The following MDN1 variants were observed in gnomAD, a reference collection of about 807,000 sequenced individuals.
MDN1 encodes the protein midasin AAA ATPase 1, also known as midasin.
Under a neutral mutation model 669.2 loss-of-function variants are expected in MDN1, and 266 were observed. The observed-to-expected ratio is 0.40, with a 90% CI of 0.36 to 0.44. The LOEUF (loss-of-function observed/expected upper bound fraction) is 0.44. Ranked by LOEUF, MDN1 falls within the 20% of genes least tolerant of loss-of-function variation. The pLI is 1.00. For missense variants in MDN1, 5,940 were observed against 6,754.0 expected (o/e 0.88, Z 4.22); for synonymous variants, 2,385 against 2,457.1 (o/e 0.97, Z 0.87).
intron 53 of MDN1, among the ~76,000 whole-genome samples, chr6:89,702,471 T>G (rs76129887): frequency 0.035 from 5,305 of 152,360 alleles, 127 homozygotes; most frequent in South Asian, 0.13. Context: ...GATTTTAACT[T>G]TAGTTTTAAT....
rs1811819387 is a variant in MDN1 at position 89,683,870 on chromosome 6, C to G, written c.11864G>C (p.Ser3955Thr). ...FVKISKWNDVSFWSIKQSVEK... is the reference protein window; with the variant it reads ...FVKISKWNDVTFWSIKQSVEK... ...TACAGATTGCTTAATGGACCAGAAGCTGACATCATTCCACTTGGAAATCTT... is the reference window on the plus strand; with the variant it reads ...TACAGATTGCTTAATGGACCAGAAGGTGACATCATTCCACTTGGAAATCTT... Residue 3955 changes from serine to threonine, a missense_variant, in exon 72 of 102, where the codon AGC becomes ACC. Coordinates refer to ENST00000369393, the MANE Select transcript of MDN1 (RefSeq NM_014611.3). The G allele has an allele frequency of 1.2e-6, 2 of 1,613,610 alleles. No homozygotes were observed. Among genetic ancestry groups the G allele is most frequent in the Non-Finnish European group, 1.7e-6 (2 of 1,179,684 alleles).
Position 89,700,093 on chromosome 6 carries a change from G to T in MDN1, c.8840C>A (p.Ala2947Asp). The change falls in exon 57 of 102, where the codon GCT becomes GAT. Residue 2947 changes from alanine to aspartate, a missense_variant. By Grantham distance (126) the Ala-to-Asp change is moderately radical. This residue lies in a region of MDN1 where 2,292 missense variants were observed against 2,638.3 expected (regional missense o/e 0.87). Transcript: ENST00000369393. ...LAMLWRYKVT[A>D]DFMAQACLRR... is the part of the protein sequence containing the mutation. The stretch of plus-strand genomic sequence containing the variant: ...GAGACAAGCTTGTGCCATAAAATCA[G>T]CTGTCACTTTGTACCGCCAAAGCAT... 6.2e-7 allele frequency: 1 copy of T among 1,614,132 alleles called. No homozygotes were observed. Among genetic ancestry groups the T allele is most frequent in the South Asian group, 1.1e-5 (1 of 91,092 alleles).
chr6:89,790,292 T>C lies in MDN1; in HGVS notation c.965A>G (p.Gln322Arg), dbSNP rs151070753. The change falls in exon 6 of 102, where the codon CAG becomes CGG. Residue 322 changes from glutamine (Q) to arginine (R), a missense_variant. By Grantham distance (43) the Gln-to-Arg change is conservative. This residue lies in a region of MDN1 where 1,203 missense variants were observed against 1,268.9 expected (regional missense o/e 0.95). Transcript: ENST00000369393. ...TGGTCCTTCCAACAACACAGCATTC[T>C]GAGAAGCAACCGCCATAGCCAGGGT... ...LQTLAMAVAS[Q>R]NAVLLEGPIG... The C allele has an allele frequency of 8.8e-5, 142 of 1,613,994 alleles. No homozygotes were observed. Among genetic ancestry groups the C allele is most frequent in the Admixed American group, 3.3e-4 (20 of 59,984 alleles).
chr6:89,713,021 C>G (rs1814061264), intron 47 of MDN1, 127 bp downstream of exon 47: 2 of 1,046,672 alleles, frequency 1.9e-6, no homozygotes, highest in Non-Finnish European at 2.7e-6. Flanking sequence ...TACCAGATCT[C>G]TATTAGAGCA....
chr6:89,650,852 G>C lies in MDN1; in HGVS notation c.15916-5C>G, dbSNP rs1434850537. ...CATCTCAGCTGCAACCTTCTCCTGT[G>C]ACAACAACAAAATGTAAGTTACCCT... On this transcript the variant is annotated splice_polypyrimidine_tract_variant and splice_region_variant and intron_variant, in intron 95 of 101. Transcript: ENST00000369393. The C allele has an allele frequency of 1.9e-6, 3 of 1,611,572 alleles. No homozygotes were observed. The highest frequency in any genetic ancestry group is 3.3e-5 in the Admixed American group (2 of 59,970).
In MDN1 at chr6:89,810,013, A is replaced by AT. The variant is rs1179313558; in HGVS notation, c.103-6460_103-6459insA. Among the ~76,000 whole-genome samples the AT allele has an allele frequency of 5.4e-5, 8 of 147,200 alleles. 1 individual carries two copies. The highest frequency in any genetic ancestry group is 2.0e-4 in the East Asian group (1 of 5,128). ...TTCACTAAAAAAAAAAAAAAAAAAA[A>AT]AAAAAAAAAAAAATTAAGTTTGGAA... On this transcript the variant is annotated intron_variant, in intron 1 of 101. Coordinates refer to ENST00000369393, the MANE Select transcript of MDN1 (RefSeq NM_014611.3).
At chr6:89,717,842 T>C (rs1241327677) in intron 43 of MDN1, among the ~76,000 whole-genome samples, 4 of 152,180 alleles carry the variant, frequency 2.6e-5, no homozygotes, top group Non-Finnish European at 5.9e-5. Context: ...ATGACAAGCA[T>C]AGTGACAGAC....
At chr6:89,684,164 G>A (rs1185007683) in intron 71 of MDN1, among the ~76,000 whole-genome samples, 2 of 152,118 alleles carry the variant, frequency 1.3e-5, no homozygotes, top group Non-Finnish European at 2.9e-5. Context: ...CCAACATGGT[G>A]AAACCCCGTC....
chr6:89,662,675 A>G (rs1221362133), intron 86 of MDN1, 117 bp downstream of exon 86: 4 of 1,220,858 alleles, frequency 3.3e-6, no homozygotes, highest in Non-Finnish European at 4.5e-6. Context: ...AGAGGAATAG[A>G]AAAAAGAGAA....
In MDN1 at chr6:89,645,068, G is replaced by A. The variant is rs764639892; in HGVS notation, c.16549C>T (p.Arg5517Trp). 17 of 1,610,428 alleles carry A rather than the reference G, an allele frequency of 1.1e-5. No individual in the cohort carries two copies. Among genetic ancestry groups the A allele is most frequent in the Middle Eastern group, 3.3e-4 (2 of 6,080 alleles). Residue 5517 changes from arginine to tryptophan, a missense_variant, in exon 101 of 102, where the codon CGG becomes TGG. Arg to Trp is a moderately radical substitution (Grantham distance 101, BLOSUM62 -3). Transcript: ENST00000369393. ...AAGATGACAAAGATATTTGCATTCC[G>A]GGCAGCCTGAACTGCTGCCAGGACT... ...ERVLAAVQAA[R>W]NANIFVIFVV...
chr6:89,758,894 G>C lies in MDN1; in HGVS notation c.2527C>G (p.Pro843Ala). The change falls in exon 18 of 102, where the codon CCA becomes GCA. Residue 843 changes from proline to alanine, a missense_variant. Pro to Ala is a conservative substitution (Grantham distance 27). Coordinates refer to ENST00000369393, the MANE Select transcript of MDN1 (RefSeq NM_014611.3). ...ILLDEINLAA[P>A]EILECLSGLL... ...CCACTCAGACATTCTAGTATTTCTG[G>C]AGCAGCCAAGTTAATCTCATCCAAC... is the stretch of plus-strand genomic sequence containing the variant. The C allele has an allele frequency of 6.2e-7, 1 of 1,613,934 alleles. No individual in the cohort carries two copies. Among genetic ancestry groups the C allele is most frequent in the Non-Finnish European group, 8.5e-7 (1 of 1,179,880 alleles).
rs180970446 is a variant in MDN1 at position 89,783,098 on chromosome 6, T to C, written c.1450-1506A>G. On this transcript the variant is annotated intron_variant, in intron 9 of 101. Transcript: ENST00000369393. ...AAAAGAACAGAATAACAGCGATTTT[T>C]AGGGAACAAGGACAGACAACCATAA... 6.9e-3 allele frequency among the ~76,000 whole-genome samples: 1,057 copies of C among 152,208 alleles called. 7 individuals carry two copies. Among genetic ancestry groups the C allele is most frequent in the Non-Finnish European group, 0.011 (756 of 68,016 alleles).
At chr6:89,678,277 T>C (rs1377590008) in intron 75 of MDN1, among the ~76,000 whole-genome samples, 1 of 151,918 alleles carries the variant, frequency 6.6e-6, no homozygotes. Context: ...TGCAGTGAGC[T>C]GAGATCACAC....
chr6:89,751,411 C>A lies in MDN1; in HGVS notation c.3227+20G>T. ...TATGCCTGTATCAAGTTCGGGGCAG[C>A]GAGAAAAAAGCCCACACACCCTGCA... On this transcript the variant is annotated intron_variant, in intron 23 of 101. Coordinates refer to ENST00000369393, the MANE Select transcript of MDN1 (RefSeq NM_014611.3). 2 of 1,613,622 alleles carry A rather than the reference C, an allele frequency of 1.2e-6. No homozygotes were observed. Among genetic ancestry groups the A allele is most frequent in the Non-Finnish European group, 1.7e-6 (2 of 1,179,768 alleles).
At chr6:89,688,475 A>G (rs1232034695) in intron 66 of MDN1, 98 bp downstream of exon 66, 4 of 1,051,172 alleles carry the variant, frequency 3.8e-6, no homozygotes, top group Non-Finnish European at 4.2e-6. Context: ...GTTTATATGT[A>G]TATATGTGCA....
intron 34 of MDN1, among the ~76,000 whole-genome samples, chr6:89,731,804 C>T (rs551940147): frequency 6.9e-6 from 1 of 145,762 alleles, no homozygotes; most frequent in Non-Finnish European, 1.5e-5. Context: ...TACCGCCCCC[C>T]CCCCCCACCT....
At chr6:89,644,293 T>C in intron 101 of MDN1, 100 bp from the exon 102 acceptor site, 1 of 984,316 alleles carries the variant, frequency 1.0e-6, no homozygotes, top group South Asian at 1.7e-5. Flanking sequence ...ACATCTCCTG[T>C]GTCTTATTCC....
rs1813189265 is a variant in MDN1 at position 89,701,955 on chromosome 6, A to G, written c.8255T>C (p.Leu2752Ser). 6.2e-7 allele frequency: 1 copy of G among 1,613,758 alleles called. No homozygotes were observed. The highest frequency in any genetic ancestry group is 8.5e-7 in the Non-Finnish European group (1 of 1,179,814). Reference protein sequence around the residue: ...ALLALHWHWVLKHLVHQIPRL... With the variant: ...ALLALHWHWVSKHLVHQIPRL... ...GGGGATCTGGTGGACCAGATGTTTT[A>G]AAACCCAGTGCCAATGGAGGGCAAG... Residue 2752 changes from leucine to serine, a missense_variant, in exon 54 of 102, where the codon TTA becomes TCA. By Grantham distance (145) the Leu-to-Ser change is moderately radical. Transcript: ENST00000369393.
chr6:89,793,744 C>T lies in MDN1; in HGVS notation c.855+18G>A, dbSNP rs1299792309. 3 of 1,607,098 alleles carry T rather than the reference C, an allele frequency of 1.9e-6. No individual in the cohort carries two copies. Among genetic ancestry groups the T allele is most frequent in the Admixed American group, 1.7e-5 (1 of 59,484 alleles). Reference sequence around the variant, plus strand: ...TAGTAGGGGGAAGGGGACACACCCCCTACTGATACCAACATACCAGCTCTC... The same window carrying T: ...TAGTAGGGGGAAGGGGACACACCCCTTACTGATACCAACATACCAGCTCTC... On this transcript the variant is annotated intron_variant, in intron 5 of 101. Transcript: ENST00000369393.
Sources: allele counts gnomAD v4.1 joint callset (sites outside exome capture counted in the v4.1 genomes callset), GRCh38; gene constraint gnomAD v4.1.1; regional missense constraint gnomAD v4.1.1; transcripts MANE v1.5; gene names NCBI Gene and HGNC (gene_info 2026-07-23, HGNC 2026-07-21).